MSR1: variants seen among roughly 807,000 people sequenced by gnomAD.
The protein encoded by MSR1 is macrophage scavenger receptor 1.
A neutral mutation model predicts 47.2 loss-of-function variants in MSR1; 53 were observed. The observed-to-expected ratio is 1.12, with a 90% CI of 0.90 to 1.41. MSR1 has a LOEUF of 1.41. Ranked by LOEUF, MSR1 falls within the 40% of genes most tolerant of loss-of-function variation. The probability of loss-of-function intolerance (pLI) is 0.00; values close to 1 mark genes in which losing one functional copy is unlikely to be tolerated. For synonymous variants in MSR1, 239 were observed against 185.6 expected (o/e 1.29, Z -2.34); for missense variants, 786 against 546.9 (o/e 1.44, Z -4.36).
intron 2 of MSR1, among the ~76,000 whole-genome samples, chr8:16,176,196 C>G (rs775779388): frequency 6.6e-6 from 1 of 152,068 alleles, no homozygotes; most frequent in Non-Finnish European, 1.5e-5. Flanking sequence ...AAATAAGAGA[C>G]AGTTTTTAAA....
At chr8:16,156,077 G>T (rs1800997921) in intron 5 of MSR1, among the ~76,000 whole-genome samples, 2 of 151,778 alleles carry the variant, frequency 1.3e-5, no homozygotes, top group Admixed American at 1.3e-4. Flanking sequence ...GTTCCATATG[G>T]AGTACAGAGG....
intron 8 of MSR1, among the ~76,000 whole-genome samples, chr8:16,124,947 G>T (rs1800095318): frequency 6.6e-6 from 1 of 152,152 alleles, no homozygotes; most frequent in Non-Finnish European, 1.5e-5. Flanking sequence ...TAAGTCTTCA[G>T]AGGGAATAGA....
At chr8:16,156,113 G>T (rs534463807) in intron 5 of MSR1, among the ~76,000 whole-genome samples, 77 of 151,974 alleles carry the variant, frequency 5.1e-4, no homozygotes, top group African/African-American at 1.8e-3. Flanking sequence ...TTTATCTAAA[G>T]AAGAGCACTT....
chr8:16,145,581 G>A (rs541947045), intron 7 of MSR1, among the ~76,000 whole-genome samples: 4 of 152,148 alleles, frequency 2.6e-5, no homozygotes, highest in East Asian at 1.9e-4. Flanking sequence ...CTTGACCCAC[G>A]AAAGGTCCTT....
rs1211987096 is a variant in MSR1, at chr8:16,139,034, C to T, written c.1033+4524G>A. On this transcript the variant is annotated intron_variant, in intron 8 of 9. Transcript: ENST00000262101. ...GACCTCTGTTGACACCTTCTGCCCT[C>T]CGGCGTGCACTCTGTTTAGTAGCTT... is the stretch of plus-strand genomic sequence containing the variant. 2.0e-5 allele frequency among the ~76,000 whole-genome samples: 3 copies of T among 152,166 alleles called. No homozygotes were observed. In the East Asian group the frequency reaches 5.8e-4, roughly 29 times the overall value.
Position 16,143,433 on chromosome 8 carries a change from G to C in MSR1, c.1033+125C>G, listed in dbSNP as rs1322895423. On this transcript the variant is annotated intron_variant, in intron 8 of 9. Transcript: ENST00000262101. ...GCTTATTTGTAGAAAATTATGTTTG[G>C]CTTCCATAGAGTCTGTATGGATCTG... 7.1e-5 allele frequency: 49 copies of C among 688,114 alleles called. 1 individual carries two copies. The South Asian group carries it at 9.2e-4, about 13-fold the overall frequency. 42.6% of individuals were successfully genotyped at this position (688,114 alleles called of 1,614,324 possible).
chr8:16,122,455 C>T (rs950181433), intron 8 of MSR1, among the ~76,000 whole-genome samples: 2 of 152,032 alleles, frequency 1.3e-5, no homozygotes, highest in African/African-American at 4.8e-5. Context: ...CATACTCAAA[C>T]ATTTGATTAT....
At chr8:16,181,043 C>A (rs967177948) in intron 1 of MSR1, among the ~76,000 whole-genome samples, 1 of 152,156 alleles carries the variant, frequency 6.6e-6, no homozygotes, top group African/African-American at 2.4e-5. Flanking sequence ...GATCCACACT[C>A]TTCTCTATTT....
At chr8:16,175,026 G>A (rs36054095) in intron 3 of MSR1, among the ~76,000 whole-genome samples, 161 bp downstream of exon 3, 25 of 151,550 alleles carry the variant, frequency 1.6e-4, no homozygotes, top group Non-Finnish European at 2.4e-4. Context: ...TTAACTTTGC[G>A]GAATCTGTTT....
At chr8:16,136,000 G>A (rs1281501898) in intron 8 of MSR1, among the ~76,000 whole-genome samples, 1 of 152,082 alleles carries the variant, frequency 6.6e-6, no homozygotes, top group Non-Finnish European at 1.5e-5. Flanking sequence ...CAAAGAAAGG[G>A]TTTTTTTGAG....
intron 8 of MSR1, among the ~76,000 whole-genome samples, chr8:16,137,444 A>C (rs80267304): frequency 1.3e-5 from 2 of 151,638 alleles, no homozygotes; most frequent in South Asian, 2.1e-4. Flanking sequence ...CTCTCTCTCT[A>C]TCTATCTCTT....
rs1372770999 is a variant in MSR1 at position 16,139,760 on chromosome 8, AAAAAAAAAAAAAAAATATAT to A, written c.1033+3778_1033+3797del. ...CACTTCAAAACTTAAAAAAAAAAAA[AAAAAAAAAAAAAAAATATAT>A]ATATATATATATATATATATATATA... On this transcript the variant is annotated intron_variant, in intron 8 of 9. Transcript: ENST00000262101. The A allele has an allele frequency of 1.4e-4, 22 of 160,646 alleles. No individual in the cohort carries two copies. In the African/African-American group the frequency reaches 1.7e-3, roughly 12 times the overall value. The allele number at this position is 160,646 out of a possible 1,614,324, so 10.0% of individuals were successfully genotyped here. A position where few individuals can be genotyped will look rare whatever the true frequency, so the allele number is the denominator to read the frequency against.
intron 5 of MSR1, among the ~76,000 whole-genome samples, chr8:16,158,970 A>G (rs1336737846): frequency 2.9e-5 from 3 of 101,988 alleles, no homozygotes; most frequent in African/African-American, 1.2e-4. Context: ...GGGTCTTGCT[A>G]CTTTGCCTAG....
At chr8:16,177,044 C>A (rs1211181309) in intron 2 of MSR1, among the ~76,000 whole-genome samples, 1 of 152,198 alleles carries the variant, frequency 6.6e-6, no homozygotes, top group Non-Finnish European at 1.5e-5. Flanking sequence ...TTATAAGTAA[C>A]TTTCTCCTGA....
chr8:16,164,033 T>G, intron 5 of MSR1, 32 bp downstream of exon 5: 1 of 1,521,358 alleles, frequency 6.6e-7, no homozygotes, highest in Non-Finnish European at 9.1e-7. Flanking sequence ...AATATATATA[T>G]CATTTTCTGG....
In MSR1 at chr8:16,108,526, C is replaced by G. The variant is rs985553741; in HGVS notation, c.*1559G>C. On this transcript the variant is annotated 3_prime_UTR_variant, in exon 10 of 10. Coordinates refer to ENST00000262101, the MANE Select transcript of MSR1 (RefSeq NM_138715.3). ...TTCTTTCAGAAACCATTGTATTTAC[C>G]TTTTGAAGAAAATACCTAGATAGTG... 1 of 152,010 alleles carries G rather than the reference C, an allele frequency of 6.6e-6. No individual in the cohort carries two copies. The highest frequency in any genetic ancestry group is 1.5e-5 in the Non-Finnish European group (1 of 67,950). 9.4% of individuals were successfully genotyped at this position (152,010 alleles called of 1,614,324 possible). A position where few individuals can be genotyped will look rare whatever the true frequency, so the allele number is the denominator to read the frequency against.
At chr8:16,123,035 C>T (rs1800041576) in intron 8 of MSR1, among the ~76,000 whole-genome samples, 1 of 151,764 alleles carries the variant, frequency 6.6e-6, no homozygotes, top group Non-Finnish European at 1.5e-5. Context: ...TTAGTACAGA[C>T]GGGGTTTCAC....
chr8:16,189,327 T>C (rs1276699496), intron 1 of MSR1, among the ~76,000 whole-genome samples: 1 of 125,326 alleles, frequency 8.0e-6, no homozygotes, highest in Non-Finnish European at 1.6e-5. Context: ...CTTATTTACA[T>C]TTCATATATA....
intron 9 of MSR1, among the ~76,000 whole-genome samples, chr8:16,111,533 A>T (rs1380356053): frequency 6.6e-6 from 1 of 152,162 alleles, no homozygotes; most frequent in South Asian, 2.1e-4. Flanking sequence ...AATTCTCCCA[A>T]TGTCTACAGC....
Sources: gnomAD v4.1 joint callset for allele counts (sites outside exome capture counted in the v4.1 genomes callset) on GRCh38, gnomAD v4.1.1 for gene constraint, MANE v1.5 for transcripts, NCBI Gene and HGNC (gene_info 2026-07-23, HGNC 2026-07-21) for gene names.